The following RALYL variants were observed in gnomAD, a reference collection of about 807,000 sequenced individuals.
RALYL encodes RALY RNA binding protein like, also known as RNA-binding Raly-like protein.
A neutral mutation model predicts 35.1 loss-of-function variants in RALYL; 29 were observed. The observed-to-expected ratio is 0.83, with a 90% CI of 0.61 to 1.13. The LOEUF is 1.13. Ranked by LOEUF, RALYL falls within the 50% of genes most tolerant of loss-of-function variation. RALYL has a pLI of 0.00. For missense variants in RALYL, 359 were observed against 360.4 expected, an observed-to-expected ratio of 1.00 and a Z score of 0.03; for synonymous variants, 120 against 127.6, an observed-to-expected ratio of 0.94 and a Z score of 0.40.
intron 4 of RALYL, among the ~76,000 whole-genome samples, chr8:84,810,245 A>G (rs1825615486): frequency 6.6e-6 from 1 of 152,086 alleles, no homozygotes; most frequent in South Asian, 2.1e-4. Context: ...TTTTGACTCA[A>G]TGCCCATTCC....
intron 5 of RALYL, among the ~76,000 whole-genome samples, chr8:84,857,312 G>A (rs1032438402): frequency 5.9e-5 from 9 of 152,064 alleles, no homozygotes; most frequent in Non-Finnish European, 1.3e-4. Context: ...AGAAATTTTA[G>A]CCCCCTAGGG....
chr8:84,298,088 C>T (rs992944785), intron 1 of RALYL, among the ~76,000 whole-genome samples: 2 of 151,952 alleles, frequency 1.3e-5, no homozygotes, highest in Non-Finnish European at 2.9e-5. Flanking sequence ...CTTTTGGCAT[C>T]TTCATCATGA....
chr8:84,508,115 A>G (rs2057324796), intron 1 of RALYL, among the ~76,000 whole-genome samples: 1 of 152,218 alleles, frequency 6.6e-6, no homozygotes, highest in African/African-American at 2.4e-5. Flanking sequence ...AAGGTCTTAC[A>G]GTATTTCAAA....
At chr8:84,541,100 T>G (rs2059989730) in intron 2 of RALYL, among the ~76,000 whole-genome samples, 1 of 151,978 alleles carries the variant, frequency 6.6e-6, no homozygotes, top group Non-Finnish European at 1.5e-5. Flanking sequence ...TGTTTTTGCT[T>G]CATTACTCTG....
At chr8:84,319,062 T>C (rs1844323344) in intron 1 of RALYL, among the ~76,000 whole-genome samples, 1 of 152,120 alleles carries the variant, frequency 6.6e-6, no homozygotes, top group Non-Finnish European at 1.5e-5. Flanking sequence ...CGAAGAGCTA[T>C]TTTCCTAAAT....
chr8:84,829,215 T>C (rs749965017), intron 4 of RALYL: 1 of 152,074 alleles, frequency 6.6e-6, no homozygotes, highest in Non-Finnish European at 1.5e-5. Context: ...ATCATGGGAA[T>C]AGTACAGGAA....
chr8:84,541,575 T>C (rs1175277699), intron 2 of RALYL, among the ~76,000 whole-genome samples: 1 of 152,052 alleles, frequency 6.6e-6, no homozygotes, highest in Non-Finnish European at 1.5e-5. Context: ...TCTTTATATG[T>C]CAAACAGGCA....
At chr8:84,540,594 C>T (rs1002719523) in intron 2 of RALYL, among the ~76,000 whole-genome samples, 1 of 151,676 alleles carries the variant, frequency 6.6e-6, no homozygotes, top group East Asian at 1.9e-4. Context: ...TTTTTAACCT[C>T]TATGTTCATG....
At chr8:84,468,299 G>C (rs1476747332) in intron 1 of RALYL, among the ~76,000 whole-genome samples, 1 of 152,036 alleles carries the variant, frequency 6.6e-6, no homozygotes, top group Admixed American at 6.6e-5. Flanking sequence ...TCCTTTCCAT[G>C]TTTAGTGCTT....
chr8:84,732,622 T>C (rs948181820), intron 2 of RALYL, among the ~76,000 whole-genome samples: 2 of 149,766 alleles, frequency 1.3e-5, no homozygotes, highest in Non-Finnish European at 3.0e-5. Context: ...ATAAAACATG[T>C]AATTTATCTG....
intron 2 of RALYL, among the ~76,000 whole-genome samples, chr8:84,741,752 C>G (rs1807369140): frequency 6.6e-6 from 1 of 151,842 alleles, no homozygotes; most frequent in African/African-American, 2.4e-5. Flanking sequence ...ATATCACTTT[C>G]AAAAGAAAAA....
chr8:84,683,836 G>A (rs1003092688), intron 2 of RALYL, among the ~76,000 whole-genome samples: 1 of 152,082 alleles, frequency 6.6e-6, no homozygotes, highest in African/African-American at 2.4e-5. Context: ...ATAGGCATGT[G>A]CCACCATGCC....
chr8:84,378,082 G>A (rs559223272), intron 1 of RALYL, among the ~76,000 whole-genome samples: 4 of 151,886 alleles, frequency 2.6e-5, no homozygotes, highest in South Asian at 2.1e-4. Flanking sequence ...GATAAACTAC[G>A]TTTTATTCTT....
intron 1 of RALYL, among the ~76,000 whole-genome samples, chr8:84,315,087 A>G (rs899777770): frequency 6.6e-6 from 1 of 152,210 alleles, no homozygotes; most frequent in Non-Finnish European, 1.5e-5. Flanking sequence ...GAGGATATAG[A>G]TAAAACTTTA....
chr8:84,202,367 ATT>A (rs1187950600), intron 1 of RALYL, among the ~76,000 whole-genome samples: 8,552 of 113,076 alleles, frequency 0.076, 352 homozygotes, highest in African/African-American at 0.16. Context: ...TATTGAAGGG[ATT>A]TTTTTTTTTT....
Position 84,887,716 on chromosome 8 carries a change from T to C in RALYL, c.798T>C (p.Asp266=), listed in dbSNP as rs536258772. ...CTGCTGAAGGAGGGCCAGATGCCGATGGAGAAGAGATGACAGATGGGATAG... is the reference window on the plus strand; with the variant it reads ...CTGCTGAAGGAGGGCCAGATGCCGACGGAGAAGAGATGACAGATGGGATAG... ...EEPAEGGPDA[D]GEEMTDGIEE... Residue 266 remains aspartate (D), a synonymous_variant, in exon 8 of 9, where the codon GAT becomes GAC. Coordinates refer to ENST00000521268, the MANE Select transcript of RALYL (RefSeq NM_173848.7). 2.4e-5 allele frequency: 39 copies of C among 1,613,884 alleles called. No individual in the cohort carries two copies. In the East Asian group the frequency reaches 6.7e-4, roughly 28 times the overall value.
At chr8:84,413,684 C>T (rs938064842) in intron 1 of RALYL, among the ~76,000 whole-genome samples, 1 of 151,982 alleles carries the variant, frequency 6.6e-6, no homozygotes, top group Non-Finnish European at 1.5e-5. Flanking sequence ...TAACTACTGC[C>T]TTATGATTCA....
At chr8:84,484,642 T>A (rs1446363317) in intron 1 of RALYL, among the ~76,000 whole-genome samples, 3 of 152,160 alleles carry the variant, frequency 2.0e-5, no homozygotes, top group Non-Finnish European at 1.5e-5. Flanking sequence ...ACAGTATTCA[T>A]TCAAATTATT....
intron 2 of RALYL, among the ~76,000 whole-genome samples, chr8:84,672,514 A>G (rs1409583788): frequency 1.3e-5 from 2 of 152,142 alleles, no homozygotes; most frequent in African/African-American, 4.8e-5. Flanking sequence ...CTTCGTACTA[A>G]TTTACTGTAT....
Sources: allele counts gnomAD v4.1 joint callset (sites outside exome capture counted in the v4.1 genomes callset), GRCh38; gene constraint gnomAD v4.1.1; transcripts MANE v1.5; gene names NCBI Gene and HGNC (gene_info 2026-07-23, HGNC 2026-07-21).